Variants in LINC00305 observed in about 807,000 individuals in gnomAD.
LINC00305 encodes the protein long intergenic non-protein coding RNA 305.
At chr18:64,080,571 A>G (rs967067267) in intron 3 of LINC00305, among the ~76,000 whole-genome samples, 2 of 152,334 alleles carry the variant, frequency 1.3e-5, no homozygotes, top group African/African-American at 4.8e-5. Flanking sequence ...ATAAATGTTC[A>G]TTTATCTATA....
At chr18:64,124,291 C>A (rs989761192) in intron 1 of LINC00305, among the ~76,000 whole-genome samples, 1 of 152,118 alleles carries the variant, frequency 6.6e-6, no homozygotes, top group Non-Finnish European at 1.5e-5. Context: ...GGCCAGCCTG[C>A]AGTTCTGTAT....
chr18:64,125,635 C>T (rs2051381661), intron 1 of LINC00305, among the ~76,000 whole-genome samples: 2 of 151,764 alleles, frequency 1.3e-5, no homozygotes, highest in African/African-American at 4.8e-5. Flanking sequence ...TTAAATCTAT[C>T]TTTCTGTCTC....
At chr18:64,097,692 A>G (rs913661428) in intron 3 of LINC00305, 11 of 315,718 alleles carry the variant, frequency 3.5e-5, no homozygotes, top group African/African-American at 2.2e-4. Flanking sequence ...AGATTGCAAA[A>G]AAAGTAAAAT....
intron 1 of LINC00305, among the ~76,000 whole-genome samples, chr18:64,131,721 T>C (rs2051410676): frequency 6.6e-6 from 1 of 152,190 alleles, no homozygotes; most frequent in Non-Finnish European, 1.5e-5. Context: ...GCTAGCAAAG[T>C]ACTAGAAATG....
intron 1 of LINC00305, among the ~76,000 whole-genome samples, chr18:64,134,792 G>A (rs1347082827): frequency 6.6e-6 from 1 of 151,986 alleles, no homozygotes; most frequent in African/African-American, 2.4e-5. Flanking sequence ...TATGAATTAG[G>A]GTAAAATTAT....
chr18:64,141,052 TAAAAAAA>T (rs34175314), intron 1 of LINC00305, among the ~76,000 whole-genome samples: 1 of 96,308 alleles, frequency 1.0e-5, no homozygotes, highest in East Asian at 3.4e-4. Flanking sequence ...GCCTGAATGA[TAAAAAAA>T]AAAAAAAAAA....
Position 64,115,714 on chromosome 18 carries a change from T to C in LINC00305, n.315-17074A>G, listed in dbSNP as rs184230339. 5.9e-4 allele frequency among the ~76,000 whole-genome samples: 90 copies of C among 152,296 alleles called. 1 individual carries two copies. Among genetic ancestry groups the C allele is most frequent in the Admixed American group, 5.9e-3 (90 of 15,308 alleles). On this transcript the variant is annotated intron_variant and non_coding_transcript_variant, in intron 1 of 3. Transcript: ENST00000666468. Reference sequence around the variant, plus strand: ...CTTCAAGCCTCTAGGATCCTTGCCTTCCTTTTTTTAAATAAGTATTTACTT... The same window carrying C: ...CTTCAAGCCTCTAGGATCCTTGCCTCCCTTTTTTTAAATAAGTATTTACTT...
intron 1 of LINC00305, among the ~76,000 whole-genome samples, chr18:64,100,207 C>T (rs546252284): frequency 5.3e-5 from 8 of 152,024 alleles, no homozygotes; most frequent in South Asian, 2.1e-4. Flanking sequence ...TAAAAAGCCT[C>T]GTGTAACAGA....
At position 64,131,457 on chromosome 18, in the gene LINC00305, AG is replaced by A. The variant is rs372211372; in HGVS notation, n.314+17317del. 4.3e-4 allele frequency among the ~76,000 whole-genome samples: 65 copies of A among 152,332 alleles called. 1 individual carries two copies. Among genetic ancestry groups the A allele is most frequent in the African/African-American group, 1.5e-3 (63 of 41,576 alleles). On this transcript the variant is annotated intron_variant and non_coding_transcript_variant, in intron 1 of 3. Transcript: ENST00000666468. ...GCTAAATCTACATAGGAAAATTGAA[AG>A]GAAGTGAATTGGGCAGCTGCAGGAG... is the stretch of plus-strand genomic sequence containing the variant.
At chr18:64,111,921 C>T (rs1318201532) in intron 1 of LINC00305, among the ~76,000 whole-genome samples, 4 of 152,144 alleles carry the variant, frequency 2.6e-5, no homozygotes, top group Admixed American at 2.6e-4. Flanking sequence ...AATCAAGGAC[C>T]ATGGTGAGAA....
chr18:64,140,775 T>C (rs1333461050), intron 1 of LINC00305, among the ~76,000 whole-genome samples: 1 of 152,166 alleles, frequency 6.6e-6, no homozygotes, highest in East Asian at 1.9e-4. Context: ...GGGGAGATTA[T>C]TTTTTCTTAT....
chr18:64,112,864 C>A (rs1473602539), intron 1 of LINC00305, among the ~76,000 whole-genome samples: 6 of 152,168 alleles, frequency 3.9e-5, no homozygotes, highest in Non-Finnish European at 5.9e-5. Flanking sequence ...TTCTCAATTC[C>A]TTGTTAAGAA....
At chr18:64,095,505 G>A (rs2051241818) in intron 3 of LINC00305, among the ~76,000 whole-genome samples, 1 of 152,054 alleles carries the variant, frequency 6.6e-6, no homozygotes, top group African/African-American at 2.4e-5. Context: ...AATCCTATGA[G>A]ACTAAGGTGA....
At chr18:64,103,366 C>A (rs1441123848) in intron 1 of LINC00305, among the ~76,000 whole-genome samples, 2 of 152,062 alleles carry the variant, frequency 1.3e-5, no homozygotes, top group Admixed American at 1.3e-4. Flanking sequence ...TTTTCCTAAG[C>A]AGCCTGAGGA....
At chr18:64,127,011 T>C (rs538942940) in intron 1 of LINC00305, among the ~76,000 whole-genome samples, 1 of 152,272 alleles carries the variant, frequency 6.6e-6, no homozygotes, top group African/African-American at 2.4e-5. Flanking sequence ...TTACATGGTC[T>C]AGAAAATTTT....
chr18:64,101,053 A>G (rs1272013832), intron 1 of LINC00305, among the ~76,000 whole-genome samples: 3 of 152,186 alleles, frequency 2.0e-5, no homozygotes, highest in Non-Finnish European at 4.4e-5. Context: ...ATCTTTGCAA[A>G]TGATCTGAGC....
chr18:64,116,465 G>A (rs919788259), intron 1 of LINC00305, among the ~76,000 whole-genome samples: 2 of 152,044 alleles, frequency 1.3e-5, no homozygotes, highest in East Asian at 1.9e-4. Context: ...GACATTAACC[G>A]TTGAGTTCCT....
chr18:64,106,426 T>C (rs1341047003), intron 1 of LINC00305, among the ~76,000 whole-genome samples: 2 of 152,104 alleles, frequency 1.3e-5, no homozygotes, highest in African/African-American at 4.8e-5. Flanking sequence ...CAAACTTAGA[T>C]CTATTTTGTC....
At chr18:64,097,893 G>A (rs1268580777) in exon 3 of LINC00305, 2 of 458,044 alleles carry the variant, frequency 4.4e-6, no homozygotes, top group East Asian at 1.4e-4. Context: ...CTGACGCTTT[G>A]CACATTTGAC....
Sources: allele counts gnomAD v4.1 joint callset (sites outside exome capture counted in the v4.1 genomes callset), GRCh38; gene constraint gnomAD v4.1.1; transcripts MANE v1.5; gene names NCBI Gene and HGNC (gene_info 2026-07-23, HGNC 2026-07-21).